LMX1A: variants seen among roughly 807,000 people sequenced by gnomAD.
LMX1A encodes the protein LIM homeobox transcription factor 1-alpha.
LMX1A carries 15 observed loss-of-function variants against 49.1 expected under a neutral mutation model. The observed-to-expected ratio is 0.31, with a 90% CI of 0.20 to 0.47. The LOEUF is 0.47. Ranked by LOEUF, LMX1A falls within the 20% of genes least tolerant of loss-of-function variation. The pLI, the probability that LMX1A is intolerant of heterozygous loss-of-function variation, is 1.00. For missense variants in LMX1A, 372 were observed against 475.8 expected, an observed-to-expected ratio of 0.78 and a Z score of 2.03; for synonymous variants, 167 against 185.7, an observed-to-expected ratio of 0.90 and a Z score of 0.82.
chr1:165,352,529 G>T (rs1656460391), intron 3 of LMX1A, among the ~76,000 whole-genome samples: 2 of 152,360 alleles, frequency 1.3e-5, no homozygotes, highest in African/African-American at 4.8e-5. Flanking sequence ...CCATTTCCGA[G>T]CCCAAACTGT....
chr1:165,261,756 G>A (rs1467800588), intron 3 of LMX1A, among the ~76,000 whole-genome samples: 1 of 152,166 alleles, frequency 6.6e-6, no homozygotes, highest in East Asian at 1.9e-4. Flanking sequence ...AGGACATTAT[G>A]ATAAGTGAAA....
intron 3 of LMX1A, among the ~76,000 whole-genome samples, chr1:165,309,675 C>A (rs1655020847): frequency 6.6e-6 from 1 of 152,214 alleles, no homozygotes; most frequent in Non-Finnish European, 1.5e-5. Context: ...GCAAAAACCA[C>A]TGGGACCAGA....
At chr1:165,218,843 G>A (rs888200891) in intron 4 of LMX1A, 16 of 152,024 alleles carry the variant, frequency 1.1e-4, no homozygotes, top group African/African-American at 3.9e-4. Context: ...AGGCTGGAGC[G>A]ATCCCTCATA....
At chr1:165,242,287 C>A (rs1205971611) in intron 4 of LMX1A, among the ~76,000 whole-genome samples, 1 of 152,112 alleles carries the variant, frequency 6.6e-6, no homozygotes, top group Non-Finnish European at 1.5e-5. Context: ...ATAAAACATT[C>A]TTTGCAGAAA....
intron 5 of LMX1A, among the ~76,000 whole-genome samples, chr1:165,212,266 C>T (rs145260857): frequency 1.1e-4 from 17 of 152,166 alleles, no homozygotes; most frequent in Middle Eastern, 3.4e-3. Context: ...CTTGCTTTGG[C>T]CTGTGGGATG....
chr1:165,294,239 C>T (rs1035801231), intron 3 of LMX1A, among the ~76,000 whole-genome samples: 7 of 151,212 alleles, frequency 4.6e-5, no homozygotes, highest in South Asian at 2.1e-4. Context: ...ACTGCAGTTA[C>T]GAGCCCAGGC....
chr1:165,253,490 CA>C (rs1304537264), intron 3 of LMX1A, among the ~76,000 whole-genome samples: 1 of 151,528 alleles, frequency 6.6e-6, no homozygotes, highest in African/African-American at 2.4e-5. Flanking sequence ...CAGGTTGACA[CA>C]AAAAAAGAGG....
In LMX1A at chr1:165,355,521, G is replaced by A. The variant is rs1388509537; in HGVS notation, c.39C>T (p.Ser13=). 1.2e-6 allele frequency: 2 copies of A among 1,613,900 alleles called. No individual in the cohort carries two copies. The highest frequency in any genetic ancestry group is 1.7e-6 in the Non-Finnish European group (2 of 1,179,990). Residue 13 remains serine (S), a synonymous_variant, in exon 2 of 9, where the codon AGC becomes AGT. Coordinates refer to ENST00000342310, the MANE Select transcript of LMX1A (RefSeq NM_177398.4). The surrounding 1 kb of genome is among the most constrained non-coding windows in gnomAD (Gnocchi z 4.7). ...AGAAGGAGGCCGAGGTGTCGATCGC[G>A]CTTTGGAAGTTCTCCTCCATCTTTA... is the stretch of plus-strand genomic sequence containing the variant. ...DGLKMEENFQ[S]AIDTSASFSS... is the part of the protein sequence containing the mutation.
In LMX1A at chr1:165,284,616, G is replaced by A. The variant is rs146089035; in HGVS notation, c.264-34976C>T. On this transcript the variant is annotated intron_variant, in intron 3 of 8. Coordinates refer to ENST00000342310, the MANE Select transcript of LMX1A (RefSeq NM_177398.4). ...TAAATCTGAGCCAGCTGATATTAGC[G>A]AGCAGTGATTAGAATATGCCCACAG... Among the ~76,000 whole-genome samples the A allele has an allele frequency of 4.2e-3, 632 of 152,288 alleles. 6 individuals are homozygous for A. The highest frequency in any genetic ancestry group is 0.015 in the African/African-American group (603 of 41,548).
At position 165,355,748 on chromosome 1, in the gene LMX1A, C is replaced by A; in HGVS notation, c.-22-167G>T. 1.6e-6 allele frequency: 1 copy of A among 610,140 alleles called. No homozygotes were observed. Among genetic ancestry groups the A allele is most frequent in the Non-Finnish European group, 2.9e-6 (1 of 341,526 alleles). 37.8% of individuals were successfully genotyped at this position (610,140 alleles called of 1,614,324 possible). ...ATGTAGGGTGGGAGGAGAGATCAGT[C>A]ACAGCGAACTGCTCTGGCTGATCTG... On this transcript the variant is annotated intron_variant, in intron 1 of 8. Transcript: ENST00000342310. This position sits in a 1 kb window ranked among gnomAD's most constrained non-coding sequence, Gnocchi z 4.7.
chr1:165,238,443 T>C (rs1652528983), intron 4 of LMX1A, among the ~76,000 whole-genome samples: 1 of 152,236 alleles, frequency 6.6e-6, no homozygotes, highest in Admixed American at 6.5e-5. Flanking sequence ...CGTGCACTTT[T>C]AAAGTACTTC....
chr1:165,210,064 G>A (rs894836168), intron 6 of LMX1A, among the ~76,000 whole-genome samples: 3 of 152,236 alleles, frequency 2.0e-5, no homozygotes, highest in Non-Finnish European at 2.9e-5. Flanking sequence ...GATTGTTGTA[G>A]TGTAAGAGCA....
chr1:165,242,382 C>T (rs897286910), intron 4 of LMX1A, among the ~76,000 whole-genome samples: 1 of 151,414 alleles, frequency 6.6e-6, no homozygotes, highest in African/African-American at 2.4e-5. Flanking sequence ...AGAGCCTTGC[C>T]TTAGCCAAGG....
intron 3 of LMX1A, among the ~76,000 whole-genome samples, chr1:165,284,134 A>G (rs922099843): frequency 9.9e-5 from 15 of 152,242 alleles, no homozygotes; most frequent in African/African-American, 3.6e-4. Context: ...CAAACAAGCC[A>G]CATCTCCTCT....
At chr1:165,263,652 A>G (rs1407025733) in intron 3 of LMX1A, among the ~76,000 whole-genome samples, 1 of 152,222 alleles carries the variant, frequency 6.6e-6, no homozygotes, top group Admixed American at 6.5e-5. Context: ...CTTGAGCACA[A>G]CACTCAGGGT....
rs148545965 is a variant in LMX1A, at chr1:165,251,144, G to A, written c.264-1504C>T. Among the ~76,000 whole-genome samples, 1,015 of 151,284 alleles carry A rather than the reference G, an allele frequency of 6.7e-3. 6 individuals carry two copies. The highest frequency in any genetic ancestry group is 0.021 in the African/African-American group (857 of 41,162). ...GTCGCCCAAGCTGGAGTGCAGTGGC[G>A]TGATCTCGGCTCACTGCAATGTCTG... On this transcript the variant is annotated intron_variant, in intron 3 of 8. Transcript: ENST00000342310.
At chr1:165,292,779 G>T (rs1433052760) in intron 3 of LMX1A, among the ~76,000 whole-genome samples, 1 of 152,150 alleles carries the variant, frequency 6.6e-6, no homozygotes, top group South Asian at 2.1e-4. Flanking sequence ...ACTCTAGTCT[G>T]TTGTCTTGGG....
rs796094301 is a variant in LMX1A, at chr1:165,316,841, T to C, written c.263+36235A>G. ...TTGCAGCAACACCTCCCCATCCGGA[T>C]CCCACAGGGCACTCGGGCCCGGGCA... On this transcript the variant is annotated intron_variant, in intron 3 of 8. Coordinates refer to ENST00000342310, the MANE Select transcript of LMX1A (RefSeq NM_177398.4). Among the ~76,000 whole-genome samples the C allele has an allele frequency of 7.9e-5, 12 of 152,218 alleles. No individual in the cohort carries two copies. The South Asian group carries it at 1.0e-3, about 13-fold the overall frequency.
chr1:165,223,161 CTT>C (rs1238963056), intron 4 of LMX1A, among the ~76,000 whole-genome samples: 1 of 152,144 alleles, frequency 6.6e-6, no homozygotes, highest in Non-Finnish European at 1.5e-5. Context: ...CTACTTTTCT[CTT>C]TGTAAAATCA....
Sources: allele counts gnomAD v4.1 joint callset (sites outside exome capture counted in the v4.1 genomes callset), GRCh38; gene constraint gnomAD v4.1.1; non-coding constraint Gnocchi (gnomAD v3.1); transcripts MANE v1.5; gene names NCBI Gene and HGNC (gene_info 2026-07-23, HGNC 2026-07-21).